Variants in NCOA2 observed in about 807,000 individuals in gnomAD.
NCOA2 encodes class E basic helix-loop-helix protein 75.
Under a neutral mutation model 145.1 loss-of-function variants are expected in NCOA2, and 21 were observed. The ratio of observed to expected loss-of-function variants is 0.14; its 90% confidence interval spans 0.10 to 0.21. The LOEUF (loss-of-function observed/expected upper bound fraction) is 0.21, where lower values mean the gene tolerates loss of function less well. Among genes scored for constraint, NCOA2 ranks in the 10% least tolerant of loss-of-function variants. The pLI is 1.00. For missense variants in NCOA2, 1,472 were observed against 1,837.6 expected (o/e 0.80, Z 3.64); for synonymous variants, 619 against 637.5 (o/e 0.97, Z 0.44).
In NCOA2 at chr8:70,128,716, G is replaced by A; in HGVS notation, c.3589C>T (p.Leu1197Phe). 6.2e-7 allele frequency: 1 copy of A among 1,613,660 alleles called. No individual in the cohort carries two copies. Residue 1197 changes from leucine to phenylalanine, a missense_variant, in exon 17 of 23, where the codon CTC (leucine) becomes TTC (phenylalanine). This residue lies in a region of NCOA2 where 953 missense variants were observed against 1,062.1 expected (regional missense o/e 0.90). Transcript: ENST00000452400. ...GAAGAACAGACCTGCTGTGCTTGGA[G>A]GCGATGCTGAAGTTGAAGTCTTAGT... ...NQLRLQLQHR[L>F]QAQQNRQPLM...
intron 2 of NCOA2, among the ~76,000 whole-genome samples, chr8:70,269,307 C>T (rs1429374681): frequency 6.6e-6 from 1 of 151,952 alleles, no homozygotes; most frequent in Non-Finnish European, 1.5e-5. Flanking sequence ...AGCATACTTG[C>T]CATAAAAGAA....
chr8:70,368,617 T>C (rs1467827451), intron 1 of NCOA2, among the ~76,000 whole-genome samples: 2 of 152,208 alleles, frequency 1.3e-5, no homozygotes, highest in South Asian at 2.1e-4. Context: ...TTAAGTATAG[T>C]TTAGACTGTT....
At chr8:70,421,289 G>A in the NCOA2 span, among the ~76,000 whole-genome samples, 3 of 151,956 alleles carry the variant, frequency 2.0e-5, no homozygotes, top group East Asian at 1.9e-4. Flanking sequence ...GGTGGCTCAC[G>A]CCTGTAATCC....
chr8:70,371,149 C>T (rs1259874435), intron 1 of NCOA2, among the ~76,000 whole-genome samples: 1 of 151,834 alleles, frequency 6.6e-6, no homozygotes, highest in Non-Finnish European at 1.5e-5. Context: ...ATCAGCCGGG[C>T]GTGGTGGCAG....
chr8:70,138,317 T>G lies in NCOA2; in HGVS notation c.3044A>C (p.Glu1015Ala). Reference sequence around the variant, plus strand: ...ATACTGAGGTCCCCCCATGTTCATCTCTAATTCAGATGGCCCTAGAAAGGG... The same window carrying G: ...ATACTGAGGTCCCCCCATGTTCATCGCTAATTCAGATGGCCCTAGAAAGGG... ...QVMNIGPSEL[E>A]MNMGGPQYSQ... Residue 1015 changes from glutamate to alanine, a missense_variant, in exon 15 of 23, where the codon GAG (glutamate) becomes GCG (alanine). This residue lies in a region of NCOA2 where 953 missense variants were observed against 1,062.1 expected (regional missense o/e 0.90). Transcript: ENST00000452400. 6.2e-7 allele frequency: 1 copy of G among 1,609,920 alleles called. No homozygotes were observed.
intron 4 of NCOA2, among the ~76,000 whole-genome samples, chr8:70,198,862 G>A (rs946189422): frequency 6.6e-6 from 1 of 152,140 alleles, no homozygotes; most frequent in Non-Finnish European, 1.5e-5. Context: ...GGTTTGGTTT[G>A]AGAGTATCAA....
intron 2 of NCOA2, among the ~76,000 whole-genome samples, chr8:70,219,693 G>C (rs1819974324): frequency 6.6e-6 from 1 of 152,038 alleles, no homozygotes; most frequent in Non-Finnish European, 1.5e-5. Context: ...AGGGTGGAGG[G>C]GGGGCAGACA....
At chr8:70,368,192 T>C (rs564263966) in intron 1 of NCOA2, among the ~76,000 whole-genome samples, 1 of 152,340 alleles carries the variant, frequency 6.6e-6, no homozygotes, top group South Asian at 2.1e-4. Context: ...TGTGGCTTAT[T>C]CTTCTATGCT....
intron 2 of NCOA2, among the ~76,000 whole-genome samples, chr8:70,230,388 T>C (rs1363855007): frequency 6.6e-6 from 1 of 152,180 alleles, no homozygotes; most frequent in African/African-American, 2.4e-5. Context: ...TGTTCTGAAA[T>C]TAGATCATGG....
At chr8:70,186,131 A>G (rs1313002620) in intron 4 of NCOA2, among the ~76,000 whole-genome samples, 11 of 152,234 alleles carry the variant, frequency 7.2e-5, no homozygotes, top group African/African-American at 2.6e-4. Context: ...AGGAGCCCAG[A>G]TTTATCCTCC....
chr8:70,310,971 T>C lies in NCOA2; in HGVS notation c.-76-14171A>G, dbSNP rs73288520. On this transcript the variant is annotated intron_variant, in intron 1 of 22. Transcript: ENST00000452400. ...ATAAAAGAAAATGTCTGATATCACATTGTAAAAGAACAACACAGTAAATAA... is the reference window on the plus strand; with the variant it reads ...ATAAAAGAAAATGTCTGATATCACACTGTAAAAGAACAACACAGTAAATAA... 4.2e-3 allele frequency among the ~76,000 whole-genome samples: 641 copies of C among 152,270 alleles called. 6 individuals carry two copies. The highest frequency in any genetic ancestry group is 0.015 in the African/African-American group (611 of 41,558).
At chr8:70,439,722 T>C in the NCOA2 span, among the ~76,000 whole-genome samples, 3 of 152,092 alleles carry the variant, frequency 2.0e-5, no homozygotes, top group African/African-American at 4.8e-5. Context: ...CCTGGCTCAG[T>C]TTACAATCTC....
chr8:70,264,454 C>T (rs1332190060), intron 2 of NCOA2, among the ~76,000 whole-genome samples: 1 of 151,718 alleles, frequency 6.6e-6, no homozygotes, highest in Non-Finnish European at 1.5e-5. Context: ...GTGATAGTGC[C>T]ACTGCATTCC....
intron 2 of NCOA2, among the ~76,000 whole-genome samples, chr8:70,268,750 C>T (rs1048502094): frequency 6.6e-6 from 1 of 152,096 alleles, no homozygotes; most frequent in Admixed American, 6.6e-5. Flanking sequence ...CAGAAAAGCA[C>T]CTAACATGAA....
intron 1 of NCOA2, among the ~76,000 whole-genome samples, chr8:70,336,866 G>A (rs1019125836): frequency 6.6e-6 from 1 of 152,116 alleles, no homozygotes; most frequent in Non-Finnish European, 1.5e-5. Flanking sequence ...CACCCGGGTT[G>A]CTTCTACCTT....
At position 70,138,262 on chromosome 8, in the gene NCOA2, A is replaced by C; in HGVS notation, c.3099T>G (p.Thr1033=). Residue 1033 remains threonine, a synonymous_variant, in exon 15 of 23, where the codon ACT becomes ACG. Transcript: ENST00000452400. ...YSQQQAPPNQ[T]APWPESILPI... ...GCAGGATGCTTTCAGGCCATGGGGCAGTCTGATTTGGAGGAGCTTGTTGTT... is the reference window on the plus strand; with the variant it reads ...GCAGGATGCTTTCAGGCCATGGGGCCGTCTGATTTGGAGGAGCTTGTTGTT... 1.2e-6 allele frequency: 2 copies of C among 1,613,788 alleles called. No individual in the cohort carries two copies. Among genetic ancestry groups the C allele is most frequent in the Non-Finnish European group, 1.7e-6 (2 of 1,179,798 alleles).
At chr8:70,201,584 T>C (rs751072460) in intron 4 of NCOA2, among the ~76,000 whole-genome samples, 1 of 152,154 alleles carries the variant, frequency 6.6e-6, no homozygotes, top group Non-Finnish European at 1.5e-5. Flanking sequence ...AATGACTCAG[T>C]AATTAACAAA....
intron 2 of NCOA2, among the ~76,000 whole-genome samples, chr8:70,238,211 GA>G (rs1821820577): frequency 6.6e-6 from 1 of 152,108 alleles, no homozygotes; most frequent in Non-Finnish European, 1.5e-5. Context: ...ACGTAGGTGA[GA>G]AAATACACCA....
rs147133692 is a variant in NCOA2, at chr8:70,401,529, A to C, written c.-77+2171T>G. 8.1e-4 allele frequency among the ~76,000 whole-genome samples: 124 copies of C among 152,264 alleles called. 1 individual carries two copies. Among genetic ancestry groups the C allele is most frequent in the African/African-American group, 2.9e-3 (120 of 41,538 alleles). ...ATTTTGTTTGCAAAAAGAAAAAAAAATGCATACCATAAACCACAACTTTTT... is the reference window on the plus strand; with the variant it reads ...ATTTTGTTTGCAAAAAGAAAAAAAACTGCATACCATAAACCACAACTTTTT... On this transcript the variant is annotated intron_variant, in intron 1 of 22. Transcript: ENST00000452400.
Sources: allele counts gnomAD v4.1 joint callset (sites outside exome capture counted in the v4.1 genomes callset), GRCh38; gene constraint gnomAD v4.1.1; regional missense constraint gnomAD v4.1.1; transcripts MANE v1.5; gene names NCBI Gene and HGNC (gene_info 2026-07-23, HGNC 2026-07-21).